The following FGF3 variants were observed in gnomAD, a reference collection of about 807,000 sequenced individuals.
FGF3 encodes the protein FGF-3.
In FGF3, 7 loss-of-function variants were observed where a neutral mutation model predicts 9.8. The ratio of observed to expected loss-of-function variants is 0.72; its 90% CI spans 0.41 to 1.35. The LOEUF is 1.35. Ranked by LOEUF, FGF3 falls within the 40% of genes most tolerant of loss-of-function variation. The probability of loss-of-function intolerance (pLI) is 0.01; values close to 1 mark genes in which losing one functional copy is unlikely to be tolerated. For synonymous variants in FGF3, 173 were observed against 157.2 expected (o/e 1.10, Z -0.75); for missense variants, 390 against 345.6 (o/e 1.13, Z -1.02).
intron 2 of FGF3, 130 bp from the exon 3 acceptor site, chr11:69,810,830 A>C: frequency 5.6e-6 from 4 of 711,820 alleles, no homozygotes; most frequent in Non-Finnish European, 8.7e-6. Flanking sequence ...GCGCACTCTC[A>C]GCCAGTCACA....
In FGF3 at chr11:69,809,983, T is replaced by G. The variant is rs1855995856; in HGVS notation, c.*322A>C. 8.8e-6 allele frequency: 3 copies of G among 342,532 alleles called. No individual in the cohort carries two copies. The highest frequency in any genetic ancestry group is 1.1e-5 in the Non-Finnish European group (2 of 189,604). 21.2% of individuals were successfully genotyped at this position (342,532 alleles called of 1,614,324 possible). On this transcript the variant is annotated 3_prime_UTR_variant, in exon 3 of 3. Coordinates refer to ENST00000334134, the MANE Select transcript of FGF3 (RefSeq NM_005247.4). ...AACGACAGAGTAGAATAAAATACTTTAATGTTGTGATGACACAAAGCCCCA... is the reference window on the plus strand; with the variant it reads ...AACGACAGAGTAGAATAAAATACTTGAATGTTGTGATGACACAAAGCCCCA...
intron 2 of FGF3, among the ~76,000 whole-genome samples, chr11:69,812,174 A>G (rs1856040036): frequency 6.6e-6 from 1 of 152,036 alleles, no homozygotes; most frequent in Admixed American, 6.5e-5. Flanking sequence ...CCTCCTGGGG[A>G]CTGGCCGCAG....
In FGF3 at chr11:69,819,169, C is replaced by A. The variant is rs1856198321; in HGVS notation, c.-236G>T. The A allele has an allele frequency of 2.6e-6, 1 of 385,492 alleles. No individual in the cohort carries two copies. The highest frequency in any genetic ancestry group is 4.6e-6 in the Non-Finnish European group (1 of 217,428). The allele number at this position is 385,492 out of a possible 1,614,324, so 23.9% of individuals were successfully genotyped here. A position where few individuals can be genotyped will look rare whatever the true frequency, so the allele number is the denominator to read the frequency against. ...AGGGAACGCGAGTCCCTTTAATTTC[C>A]ACCCAGGAGCAATGAAATTTCCGTT... On this transcript the variant is annotated 5_prime_UTR_variant, in exon 1 of 3. It introduces an in-frame stop codon into an upstream open reading frame of the 5' UTR. Transcript: ENST00000334134.
In FGF3 at chr11:69,818,835, G is replaced by T; in HGVS notation, c.99C>A (p.Gly33=). Residue 33 remains glycine, a synonymous_variant, in exon 1 of 3, where the codon GGC becomes GGA. Coordinates refer to ENST00000334134, the MANE Select transcript of FGF3 (RefSeq NM_005247.4). ...ARLRRDAGGR[G]GVYEHLGGAP... ...CCCCGCCAAGGTGCTCGTAGACGCC[G>T]CCACGGCCGCCCGCATCGCGCCGCA... 1 of 1,478,604 alleles carries T rather than the reference G, an allele frequency of 6.8e-7. No homozygotes were observed. The highest frequency in any genetic ancestry group is 2.9e-5 in the East Asian group (1 of 34,378). 91.6% of individuals were successfully genotyped at this position (1,478,604 alleles called of 1,614,324 possible).
rs1028910450 is a variant in FGF3, at chr11:69,810,758, C to T, written c.325-58G>A. 24 of 1,455,038 alleles carry T rather than the reference C, an allele frequency of 1.6e-5. No individual in the cohort carries two copies. In the African/African-American group the frequency reaches 2.8e-4, roughly 17 times the overall value. 90.1% of individuals were successfully genotyped at this position (1,455,038 alleles called of 1,614,324 possible). The stretch of plus-strand genomic sequence containing the variant: ...GGGGAGACTGTGGCAGCGTCAGGGC[C>T]CAGGGTTGCCTGATGCCTCCCTCCC... On this transcript the variant is annotated intron_variant, in intron 2 of 2. Coordinates refer to ENST00000334134, the MANE Select transcript of FGF3 (RefSeq NM_005247.4).
chr11:69,817,067 C>T (rs1554981174), intron 1 of FGF3, among the ~76,000 whole-genome samples: 2 of 152,164 alleles, frequency 1.3e-5, no homozygotes, highest in Non-Finnish European at 2.9e-5. Flanking sequence ...GGAAGCTGGA[C>T]GGGTCTCACC....
intron 2 of FGF3, among the ~76,000 whole-genome samples, chr11:69,813,243 GC>G (rs1415180078): frequency 1.3e-5 from 2 of 152,164 alleles, no homozygotes; most frequent in Non-Finnish European, 2.9e-5. Flanking sequence ...GGCGTTCCAG[GC>G]AGTGAAGGTG....
intron 2 of FGF3, 116 bp downstream of exon 2, chr11:69,816,204 G>T (rs1339243119): frequency 3.6e-6 from 3 of 839,324 alleles, no homozygotes; most frequent in South Asian, 1.3e-5. Flanking sequence ...TCCTAGCTTG[G>T]GTCCCGTGTA....
Position 69,818,938 on chromosome 11 carries a change from G to C in FGF3, c.-5C>G. ...TAGCAGCCAGATTAGGCCCATCGTG[G>C]CATCGCGCCCGCCCCGCGGCGGCGG... On this transcript the variant is annotated 5_prime_UTR_variant, in exon 1 of 3. Coordinates refer to ENST00000334134, the MANE Select transcript of FGF3 (RefSeq NM_005247.4). The C allele has an allele frequency of 6.8e-7, 1 of 1,463,056 alleles. No homozygotes were observed. The highest frequency in any genetic ancestry group is 1.5e-5 in the African/African-American group (1 of 67,894). 90.6% of individuals were successfully genotyped at this position (1,463,056 alleles called of 1,614,324 possible). A position where few individuals can be genotyped will look rare whatever the true frequency, so the allele number is the denominator to read the frequency against.
rs1408695395 is a variant in FGF3 at position 69,810,630 on chromosome 11, C to T, written c.395G>A (p.Arg132Gln). The T allele has an allele frequency of 2.5e-6, 4 of 1,603,176 alleles. No homozygotes were observed. Among genetic ancestry groups the T allele is most frequent in the Non-Finnish European group, 2.6e-6 (3 of 1,172,954 alleles). Residue 132 changes from arginine (R) to glutamine (Q), a missense_variant, in exon 3 of 3, where the codon CGG becomes CAG. Arg to Gln is a conservative substitution (Grantham distance 43). Transcript: ENST00000334134. The stretch of plus-strand genomic sequence containing the variant: ...CGTACTAGACACCGTCCGGTACAGC[C>T]GGGAGGCATACGTATTATAGCCCAG... ...HELGYNTYAS[R>Q]LYRTVSSTPG...
chr11:69,818,181 C>A (rs945797485), intron 1 of FGF3, among the ~76,000 whole-genome samples: 1 of 152,316 alleles, frequency 6.6e-6, no homozygotes, highest in Middle Eastern at 3.4e-3. Context: ...GGGCGGCCAC[C>A]TGGGCAGCCG....
chr11:69,815,639 C>T (rs1856118765), intron 2 of FGF3, among the ~76,000 whole-genome samples: 1 of 152,132 alleles, frequency 6.6e-6, no homozygotes, highest in African/African-American at 2.4e-5. Context: ...CATGTAATGA[C>T]TAGTTGGAGG....
chr11:69,813,693 T>C (rs1856067886), intron 2 of FGF3, among the ~76,000 whole-genome samples: 1 of 132,538 alleles, frequency 7.5e-6, no homozygotes, highest in Non-Finnish European at 1.6e-5. Context: ...GATGGGTGGA[T>C]GGATGGATAG....
chr11:69,814,157 T>C (rs1856090464), intron 2 of FGF3, among the ~76,000 whole-genome samples: 1 of 151,780 alleles, frequency 6.6e-6, no homozygotes, highest in African/African-American at 2.4e-5. Flanking sequence ...GATGGATGGA[T>C]GGCTTGACAA....
rs782521875 is a variant in FGF3 at position 69,810,446 on chromosome 11, C to T, written c.579G>A (p.Gln193=). 3.8e-6 allele frequency: 6 copies of T among 1,597,242 alleles called. No homozygotes were observed. The South Asian group carries it at 6.7e-5, about 18-fold the overall frequency. ...LDHRDHEMVR[Q]LQSGLPRPPG... Reference sequence around the variant, plus strand: ...GGGGTCTGGGCAGCCCACTCTGTAGCTGCCGCACCATCTCGTGGTCCCTGT... The same window carrying T: ...GGGGTCTGGGCAGCCCACTCTGTAGTTGCCGCACCATCTCGTGGTCCCTGT... The change falls in exon 3 of 3, where the codon CAG becomes CAA. Residue 193 remains glutamine, a synonymous_variant. Coordinates refer to ENST00000334134, the MANE Select transcript of FGF3 (RefSeq NM_005247.4).
chr11:69,812,466 C>A (rs563725307), intron 2 of FGF3, among the ~76,000 whole-genome samples: 1 of 152,262 alleles, frequency 6.6e-6, no homozygotes, highest in East Asian at 1.9e-4. Context: ...AGGCCCAGTG[C>A]CCCCTGGGCC....
chr11:69,811,450 C>CAAAAA (rs33951596), intron 2 of FGF3, among the ~76,000 whole-genome samples: 3 of 97,294 alleles, frequency 3.1e-5, no homozygotes, highest in South Asian at 3.7e-4. Flanking sequence ...AACTCTGACT[C>CAAAAA]AAAAAAAAAA....
chr11:69,815,283 T>C (rs1554980981), intron 2 of FGF3, among the ~76,000 whole-genome samples: 1 of 147,756 alleles, frequency 6.8e-6, no homozygotes, highest in Admixed American at 6.7e-5. Context: ...GATGGATGGG[T>C]GGATGGGTGG....
Position 69,818,738 on chromosome 11 carries a change from C to A in FGF3, c.196G>T (p.Gly66Cys), listed in dbSNP as rs121917705. 1 of 1,494,116 alleles carries A rather than the reference C, an allele frequency of 6.7e-7. No homozygotes were observed. Among genetic ancestry groups the A allele is most frequent in the Non-Finnish European group, 8.9e-7 (1 of 1,128,440 alleles). 92.6% of individuals were successfully genotyped at this position (1,494,116 alleles called of 1,614,324 possible). ...CTGTAGGCGCTGTTCTCCAGGCTGCCGTTGACGCGGCCGCTCGGGTGCAGC... is the reference window on the plus strand; with the variant it reads ...CTGTAGGCGCTGTTCTCCAGGCTGCAGTTGACGCGGCCGCTCGGGTGCAGC... ...LQLHPSGRVN[G>C]SLENSAYSIL... Residue 66 changes from glycine (G) to cysteine (C), a missense_variant, in exon 1 of 3, where the codon GGC (glycine) becomes TGC (cysteine). By Grantham distance (159) the Gly-to-Cys change is radical. Transcript: ENST00000334134.
Sources: allele counts gnomAD v4.1 joint callset (sites outside exome capture counted in the v4.1 genomes callset), GRCh38; gene constraint gnomAD v4.1.1; transcripts MANE v1.5; gene names NCBI Gene and HGNC (gene_info 2026-07-23, HGNC 2026-07-21).